IFNGR1: variants seen among roughly 807,000 people sequenced by gnomAD.
The protein encoded by IFNGR1 is interferon gamma receptor 1.
IFNGR1 carries 23 observed loss-of-function variants against 35.4 expected under a neutral mutation model. The observed-to-expected ratio is 0.65, with a 90% confidence interval of 0.47 to 0.92. The LOEUF is 0.92. IFNGR1 is among the 40% of genes least tolerant of loss of function. The probability of loss-of-function intolerance (pLI) is 0.00; values close to 1 mark genes in which losing one functional copy is unlikely to be tolerated. For missense variants in IFNGR1, 533 were observed against 583.4 expected (o/e 0.91, Z 0.89); for synonymous variants, 199 against 209.5 (o/e 0.95, Z 0.43).
chr6:137,212,871 G>A (rs1192636309), intron 1 of IFNGR1, among the ~76,000 whole-genome samples: 1 of 152,200 alleles, frequency 6.6e-6, no homozygotes, highest in Admixed American at 6.5e-5. Context: ...ACAGGTGGTA[G>A]GAGGAAAATA....
In IFNGR1 at chr6:137,206,208, T is replaced by C; in HGVS notation, c.301A>G (p.Arg101Gly). ...TTTTGTCCAACCCTGGCTTTAACTC[T>C]GACCCAAAGAGAATTTGATGGATCA... ...VGDPSNSLWV[R>G]VKARVGQKES... The change falls in exon 3 of 7, where the codon AGA becomes GGA. Residue 101 changes from arginine to glycine, a missense_variant. Transcript: ENST00000367739. 2 of 1,613,960 alleles carry C rather than the reference T, an allele frequency of 1.2e-6. No individual in the cohort carries two copies. The highest frequency in any genetic ancestry group is 1.7e-6 in the Non-Finnish European group (2 of 1,179,810).
At chr6:137,215,303 C>G (rs1343702231) in intron 1 of IFNGR1, 1 of 1,549,234 alleles carries the variant, frequency 6.5e-7, no homozygotes, top group East Asian at 2.5e-5. Context: ...AGACTATTTT[C>G]TGGTGACTTC....
At chr6:137,207,101 A>G (rs2114490800) in intron 1 of IFNGR1, 24 bp from the exon 2 acceptor site, 1 of 1,612,760 alleles carries the variant, frequency 6.2e-7, no homozygotes, top group African/African-American at 1.3e-5. Flanking sequence ...AAAAAGTAAA[A>G]GGGACAATTG....
intron 1 of IFNGR1, chr6:137,218,823 G>C (rs1170517110): frequency 2.8e-6 from 1 of 351,346 alleles, no homozygotes; most frequent in Non-Finnish European, 5.6e-6. Context: ...TCACTGCACT[G>C]AACACTGCAG....
In IFNGR1 at chr6:137,216,165, A is replaced by G. The variant is rs3799489; in HGVS notation, c.85+3078T>C. Among the ~76,000 whole-genome samples, 43 of 152,360 alleles carry G rather than the reference A, an allele frequency of 2.8e-4. No individual in the cohort carries two copies. In the East Asian group the frequency reaches 7.3e-3, roughly 26 times the overall value. The stretch of plus-strand genomic sequence containing the variant: ...TCTCTGAAATAACTATAGAATCCAA[A>G]GAAATAGTGAAAAATTTAAACAGTA... On this transcript the variant is annotated intron_variant, in intron 1 of 6. Coordinates refer to ENST00000367739, the MANE Select transcript of IFNGR1 (RefSeq NM_000416.3).
rs34561084 is a variant in IFNGR1 at position 137,203,733 on chromosome 6, G to GAAA, written c.547-51_547-49dup. The GAAA allele has an allele frequency of 9.1e-4, 1,098 of 1,207,446 alleles. No individual in the cohort carries two copies. In the South Asian group the frequency reaches 9.2e-3, roughly 10 times the overall value. 74.8% of individuals were successfully genotyped at this position (1,207,446 alleles called of 1,614,324 possible). ...GAAAATGCACAGCTTCTTTTAATCT[G>GAAA]AAAAAAAAAAAAAATCACCATATTA... On this transcript the variant is annotated intron_variant, in intron 4 of 6. Transcript: ENST00000367739.
intron 1 of IFNGR1, among the ~76,000 whole-genome samples, chr6:137,216,474 G>T (rs1451349258): frequency 2.0e-5 from 3 of 152,238 alleles, no homozygotes. Flanking sequence ...GAAAGCCCAT[G>T]AATGTAACAC....
intron 1 of IFNGR1, among the ~76,000 whole-genome samples, chr6:137,211,617 A>AT (rs1257923019): frequency 4.6e-5 from 7 of 152,134 alleles, no homozygotes; most frequent in Non-Finnish European, 7.4e-5. Flanking sequence ...CTTGTAGGTG[A>AT]TCCCTAAGGC....
chr6:137,213,387 G>A (rs182331931), intron 1 of IFNGR1, among the ~76,000 whole-genome samples: 2 of 152,178 alleles, frequency 1.3e-5, no homozygotes, highest in East Asian at 1.9e-4. Context: ...CATACTATCC[G>A]GAGTAAACTT....
Position 137,206,285 on chromosome 6 carries a change from T to A in IFNGR1, c.224A>T (p.Asp75Val), listed in dbSNP as rs770076728. The part of the protein sequence containing the change: ...NYGVKNSEWI[D>V]ACINISHHYC... ...ATGATGAGAAATATTGATGCAGGCA[T>A]CAATCCATTCTGAATTCTTAACACT... is the stretch of plus-strand genomic sequence containing the variant. The change falls in exon 3 of 7, where the codon GAT (aspartate) becomes GTT (valine). Residue 75 changes from aspartate (D) to valine (V), a missense_variant. Physicochemically the swap from Asp to Val is radical, Grantham distance 152 (BLOSUM62 -3). Transcript: ENST00000367739. 2.5e-6 allele frequency: 4 copies of A among 1,607,430 alleles called. No individual in the cohort carries two copies. Among genetic ancestry groups the A allele is most frequent in the Non-Finnish European group, 3.4e-6 (4 of 1,173,870 alleles).
At chr6:137,217,936 G>T (rs1779746341) in intron 1 of IFNGR1, among the ~76,000 whole-genome samples, 1 of 152,176 alleles carries the variant, frequency 6.6e-6, no homozygotes, top group African/African-American at 2.4e-5. Flanking sequence ...CAACACTGGG[G>T]TCACCTTTGT....
chr6:137,206,621 G>A, intron 2 of IFNGR1: 1 of 387,354 alleles, frequency 2.6e-6, no homozygotes, highest in Non-Finnish European at 4.6e-6. Context: ...ATAGAAGTAA[G>A]CACATTAAAA....
At chr6:137,212,879 A>C (rs769648399) in intron 1 of IFNGR1, among the ~76,000 whole-genome samples, 1 of 152,252 alleles carries the variant, frequency 6.6e-6, no homozygotes, top group Non-Finnish European at 1.5e-5. Context: ...TAGGAGGAAA[A>C]TATTTCAATG....
chr6:137,198,100 A>C lies in IFNGR1; in HGVS notation c.1401T>G (p.Leu467=), dbSNP rs1779135938. The part of the protein sequence containing the change: ...YDKPHVLVDL[L]VDDSGKESLI... ...AGGACTCTTTACCGCTATCATCCAC[A>C]AGTAGATCCACTAGCACATGTGGTT... Residue 467 remains leucine, a synonymous_variant, in exon 7 of 7, where the codon CTT becomes CTG. Transcript: ENST00000367739. 1 of 1,614,154 alleles carries C rather than the reference A, an allele frequency of 6.2e-7. No individual in the cohort carries two copies. Among genetic ancestry groups the C allele is most frequent in the Non-Finnish European group, 8.5e-7 (1 of 1,180,020 alleles).
In IFNGR1 at chr6:137,197,826, GT is replaced by G; in HGVS notation, c.*204del. The G allele has an allele frequency of 1.2e-5, 7 of 561,350 alleles. No homozygotes were observed. The East Asian group carries it at 1.4e-4, about 11-fold the overall frequency. 34.8% of individuals were successfully genotyped at this position (561,350 alleles called of 1,614,324 possible). A position where few individuals can be genotyped will look rare whatever the true frequency, so the allele number is the denominator to read the frequency against. On this transcript the variant is annotated 3_prime_UTR_variant, in exon 7 of 7. Transcript: ENST00000367739. Reference sequence around the variant, plus strand: ...GTTCATAAGTTACAATGCTTTTTTTGTTTAAAAAAAAAAAAAAGTCTGTACT... The same window carrying G: ...GTTCATAAGTTACAATGCTTTTTTTGTTAAAAAAAAAAAAAAGTCTGTACT...
rs1779127419 is a variant in IFNGR1, at chr6:137,197,927, T to C, written c.*104A>G. Reference sequence around the variant, plus strand: ...ACACTAAGTCACTCCATTTGGTTGATACCAACTAAGATACAATTTCTGAGA... The same window carrying C: ...ACACTAAGTCACTCCATTTGGTTGACACCAACTAAGATACAATTTCTGAGA... On this transcript the variant is annotated 3_prime_UTR_variant, in exon 7 of 7. Coordinates refer to ENST00000367739, the MANE Select transcript of IFNGR1 (RefSeq NM_000416.3). 2 of 1,493,728 alleles carry C rather than the reference T, an allele frequency of 1.3e-6. No individual in the cohort carries two copies. The highest frequency in any genetic ancestry group is 3.4e-5 in the Admixed American group (2 of 58,758). The allele number at this position is 1,493,728 out of a possible 1,614,324, so 92.5% of individuals were successfully genotyped here.
chr6:137,217,447 C>A (rs184917783), intron 1 of IFNGR1, among the ~76,000 whole-genome samples: 2 of 152,312 alleles, frequency 1.3e-5, no homozygotes, highest in Admixed American at 1.3e-4. Context: ...CAACCCTCTA[C>A]GAGAATGTCC....
intron 1 of IFNGR1, among the ~76,000 whole-genome samples, chr6:137,216,371 T>C (rs370383712): frequency 1.3e-5 from 2 of 152,330 alleles, no homozygotes; most frequent in South Asian, 2.1e-4. Flanking sequence ...CTTAAAAATA[T>C]ATACTACTTT....
At position 137,197,921 on chromosome 6, in the gene IFNGR1, G is replaced by T; in HGVS notation, c.*110C>A. On this transcript the variant is annotated 3_prime_UTR_variant, in exon 7 of 7. Coordinates refer to ENST00000367739, the MANE Select transcript of IFNGR1 (RefSeq NM_000416.3). Reference sequence around the variant, plus strand: ...TCATGTACACTAAGTCACTCCATTTGGTTGATACCAACTAAGATACAATTT... The same window carrying T: ...TCATGTACACTAAGTCACTCCATTTTGTTGATACCAACTAAGATACAATTT... 1 of 1,428,838 alleles carries T rather than the reference G, an allele frequency of 7.0e-7. No individual in the cohort carries two copies. The highest frequency in any genetic ancestry group is 9.8e-7 in the Non-Finnish European group (1 of 1,020,856). The allele number at this position is 1,428,838 out of a possible 1,614,324, so 88.5% of individuals were successfully genotyped here. A position where few individuals can be genotyped will look rare whatever the true frequency, so the allele number is the denominator to read the frequency against.
Sources: gnomAD v4.1 joint callset for allele counts (sites outside exome capture counted in the v4.1 genomes callset) on GRCh38, gnomAD v4.1.1 for gene constraint, MANE v1.5 for transcripts, NCBI Gene and HGNC (gene_info 2026-07-23, HGNC 2026-07-21) for gene names.